The following AGBL1 variants were observed in gnomAD, a reference collection of about 807,000 sequenced individuals.
AGBL1 encodes cytosolic carboxypeptidase 4.
Under a neutral mutation model 118.9 loss-of-function variants are expected in AGBL1, and 130 were observed. The observed-to-expected ratio is 1.09, with a 90% CI of 0.95 to 1.26. AGBL1 has a LOEUF of 1.26. Among genes scored for constraint, AGBL1 ranks in the 50% most tolerant of loss-of-function variants. The pLI is 0.00. For missense variants in AGBL1, 1,584 were observed against 1,298.1 expected (o/e 1.22, Z -3.38); for synonymous variants, 555 against 478.9 (o/e 1.16, Z -2.08).
intron 18 of AGBL1, among the ~76,000 whole-genome samples, chr15:86,459,637 A>G (rs1365913080): frequency 6.6e-6 from 1 of 152,122 alleles, no homozygotes; most frequent in Non-Finnish European, 1.5e-5. Context: ...CATGCCCCAG[A>G]CACAGCCCTC....
chr15:86,664,565 G>A (rs2085609198), intron 21 of AGBL1, among the ~76,000 whole-genome samples: 1 of 152,128 alleles, frequency 6.6e-6, no homozygotes, highest in Non-Finnish European at 1.5e-5. Context: ...GGAAATGGAT[G>A]TCTCATTGCT....
intron 18 of AGBL1, among the ~76,000 whole-genome samples, chr15:86,412,695 G>A (rs1038643084): frequency 5.3e-5 from 8 of 151,880 alleles, no homozygotes; most frequent in South Asian, 2.1e-4. Context: ...GGTCTTAGTC[G>A]TCTACACATT....
At chr15:86,391,193 T>C (rs1183838360) in intron 17 of AGBL1, among the ~76,000 whole-genome samples, 2 of 152,078 alleles carry the variant, frequency 1.3e-5, no homozygotes, top group Non-Finnish European at 2.9e-5. Flanking sequence ...TAACATAAAA[T>C]TGGTAAAATT....
intron 23 of AGBL1, among the ~76,000 whole-genome samples, chr15:86,930,896 C>T (rs1359027661): frequency 5.9e-5 from 9 of 152,230 alleles, no homozygotes; most frequent in South Asian, 4.1e-4. Flanking sequence ...GTTAGAGTTG[C>T]GAGATGTCTG....
chr15:86,917,642 G>T (rs1260495015), downstream of AGBL1, among the ~76,000 whole-genome samples: 1 of 152,118 alleles, frequency 6.6e-6, no homozygotes, highest in Non-Finnish European at 1.5e-5. This position sits in a 1 kb window ranked among gnomAD's most constrained non-coding sequence, Gnocchi z 4.8. Flanking sequence ...AGCAGTTGGA[G>T]ACTTCCTTTA....
At chr15:86,784,158 T>C (rs1441981063) in intron 22 of AGBL1, among the ~76,000 whole-genome samples, 4 of 152,222 alleles carry the variant, frequency 2.6e-5, no homozygotes, top group Non-Finnish European at 5.9e-5. Context: ...TTAAATGAGA[T>C]AACTTATATA....
At chr15:86,220,282 G>C (rs1021353289) in intron 5 of AGBL1, among the ~76,000 whole-genome samples, 1 of 152,048 alleles carries the variant, frequency 6.6e-6, no homozygotes, top group Non-Finnish European at 1.5e-5. Context: ...GCTGAAACTT[G>C]GGAAGATTAT....
intron 22 of AGBL1, among the ~76,000 whole-genome samples, chr15:86,795,596 T>C (rs2078558400): frequency 6.6e-6 from 1 of 150,602 alleles, no homozygotes; most frequent in African/African-American, 2.4e-5. Context: ...GATTTTTTTT[T>C]TTTTTGAGAC....
At chr15:86,191,221 G>A (rs987521064) in intron 5 of AGBL1, among the ~76,000 whole-genome samples, 30 of 151,814 alleles carry the variant, frequency 2.0e-4, no homozygotes, top group Non-Finnish European at 2.5e-4. Flanking sequence ...GGTGGCAGGC[G>A]CCTGTAATCC....
intron 22 of AGBL1, among the ~76,000 whole-genome samples, chr15:86,684,035 G>A (rs1190701325): frequency 6.6e-6 from 1 of 152,124 alleles, no homozygotes; most frequent in Non-Finnish European, 1.5e-5. Context: ...AAATCTACCA[G>A]ATGTGCTAGA....
intron 24 of AGBL1, among the ~76,000 whole-genome samples, chr15:87,024,098 C>T (rs2081698318): frequency 6.6e-6 from 1 of 151,788 alleles, no homozygotes; most frequent in Non-Finnish European, 1.5e-5. Flanking sequence ...ACAAACCAAA[C>T]CCAAACCCAG....
At chr15:86,265,869 A>T (rs867969819) in intron 11 of AGBL1, among the ~76,000 whole-genome samples, 1 of 152,154 alleles carries the variant, frequency 6.6e-6, no homozygotes, top group African/African-American at 2.4e-5. Context: ...TTAGTTAAAT[A>T]TCCCAGATTT....
chr15:86,484,205 C>T, intron 18 of AGBL1, among the ~76,000 whole-genome samples: 1 of 151,948 alleles, frequency 6.6e-6, no homozygotes, highest in Non-Finnish European at 1.5e-5. Flanking sequence ...TAATTGAGAA[C>T]CTGTAATTGC....
At chr15:86,963,898 G>A (rs2081019363) in intron 23 of AGBL1, among the ~76,000 whole-genome samples, 1 of 151,876 alleles carries the variant, frequency 6.6e-6, no homozygotes, top group Non-Finnish European at 1.5e-5. Context: ...AGAGATAAGA[G>A]ATCTTGAAGA....
At chr15:86,335,094 G>T (rs2080341439) in intron 17 of AGBL1, among the ~76,000 whole-genome samples, 1 of 151,796 alleles carries the variant, frequency 6.6e-6, no homozygotes, top group African/African-American at 2.4e-5. Context: ...AGAAAGAAAT[G>T]GATACCACAG....
At chr15:86,191,167 A>ACC (rs142989977) in intron 5 of AGBL1, among the ~76,000 whole-genome samples, 1 of 150,808 alleles carries the variant, frequency 6.6e-6, no homozygotes, top group Non-Finnish European at 1.5e-5. Context: ...ACATGGTGAA[A>ACC]CCCCCCCTCC....
At chr15:86,652,169 T>A (rs1280958514) in intron 21 of AGBL1, among the ~76,000 whole-genome samples, 3 of 152,164 alleles carry the variant, frequency 2.0e-5, no homozygotes, top group Non-Finnish European at 4.4e-5. Context: ...AATTTAAATG[T>A]CATTTTAGGG....
chr15:86,164,541 GATA>G (rs2077310867), intron 5 of AGBL1, among the ~76,000 whole-genome samples: 1 of 152,136 alleles, frequency 6.6e-6, no homozygotes, highest in African/African-American at 2.4e-5. Context: ...TGAAGATTTT[GATA>G]ATAATAAGGA....
At chr15:86,917,575 C>T (rs78314566), downstream of AGBL1, among the ~76,000 whole-genome samples, 138 of 152,300 alleles carry the variant, frequency 9.1e-4, no homozygotes, top group African/African-American at 3.0e-3. The surrounding 1 kb of genome is among the most constrained non-coding windows in gnomAD (Gnocchi z 4.8). Flanking sequence ...TAAACATATG[C>T]GGATCACCTC....
Sources: allele counts gnomAD v4.1 joint callset (sites outside exome capture counted in the v4.1 genomes callset), GRCh38; gene constraint gnomAD v4.1.1; non-coding constraint Gnocchi (gnomAD v3.1); transcripts MANE v1.5; gene names NCBI Gene and HGNC (gene_info 2026-07-23, HGNC 2026-07-21).